SMC1B: variants seen among roughly 807,000 people sequenced by gnomAD.
SMC1B encodes structural maintenance of chromosomes protein 1B.
Under a neutral mutation model 157.9 loss-of-function variants are expected in SMC1B, and 60 were observed. The observed-to-expected ratio is 0.38, with a 90% CI of 0.31 to 0.47. SMC1B has a LOEUF of 0.47. Ranked by LOEUF, SMC1B falls within the 20% of genes least tolerant of loss-of-function variation. SMC1B has a pLI of 0.99. For synonymous variants in SMC1B, 445 were observed against 483.0 expected (o/e 0.92, Z 1.03); for missense variants, 1,165 against 1,426.2 (o/e 0.82, Z 2.95).
intron 6 of SMC1B, among the ~76,000 whole-genome samples, chr22:45,397,488 G>C (rs2087138726): frequency 6.6e-6 from 1 of 152,166 alleles, no homozygotes; most frequent in Non-Finnish European, 1.5e-5. Context: ...AGACAGGGGT[G>C]GGTCCCCAGT....
chr22:45,347,767 T>A (rs2086567591), intron 23 of SMC1B, among the ~76,000 whole-genome samples: 1 of 152,180 alleles, frequency 6.6e-6, no homozygotes, highest in East Asian at 1.9e-4. Flanking sequence ...AATGCCAATT[T>A]ATAAGTAAAT....
rs879318733 is a variant in SMC1B at position 45,409,596 on chromosome 22, ATAAATAAATAAAT to A, written c.110-711_110-699del. On this transcript the variant is annotated intron_variant, in intron 1 of 24. Transcript: ENST00000357450. The stretch of plus-strand genomic sequence containing the variant: ...AATAAATAAATAAATAAATAAATAA[ATAAATAAATAAAT>A]AAAAACAAGAGAAGCTAACTAAATC... Among the ~76,000 whole-genome samples, 222 of 80,116 alleles carry A rather than the reference ATAAATAAATAAAT, an allele frequency of 2.8e-3. 1 individual carries two copies. Among genetic ancestry groups the A allele is most frequent in the East Asian group, 3.8e-3 (10 of 2,616 alleles). The allele number at this position is 80,116 out of a possible 152,430, so 52.6% of individuals were successfully genotyped here. A position where few individuals can be genotyped will look rare whatever the true frequency, so the allele number is the denominator to read the frequency against.
intron 1 of SMC1B, among the ~76,000 whole-genome samples, chr22:45,410,631 A>C (rs768623410): frequency 9.2e-5 from 14 of 152,212 alleles, no homozygotes; most frequent in Non-Finnish European, 1.6e-4. Context: ...TGGATCCAGA[A>C]GGCAGAGGTT....
intron 4 of SMC1B, among the ~76,000 whole-genome samples, chr22:45,405,032 G>A (rs2087242447): frequency 6.6e-6 from 1 of 152,294 alleles, no homozygotes; most frequent in Admixed American, 6.5e-5. Flanking sequence ...TAGATTGGAG[G>A]AATGAACAGT....
At chr22:45,345,633 G>GT (rs2086543499) in intron 23 of SMC1B, 64 bp from the exon 24 acceptor site, 3 of 976,166 alleles carry the variant, frequency 3.1e-6, no homozygotes. Context: ...TCTGGAGACA[G>GT]TAATTCTGCA....
At chr22:45,344,784 A>G (rs2086534352) in intron 24 of SMC1B, 127 bp from the exon 25 acceptor site, 3 of 571,424 alleles carry the variant, frequency 5.3e-6, no homozygotes, top group Non-Finnish European at 9.3e-6. Context: ...AGATATCTGC[A>G]TTTATATTGG....
Position 45,369,964 on chromosome 22 carries a change from C to A in SMC1B, c.2410G>T (p.Asp804Tyr). 1.3e-6 allele frequency: 2 copies of A among 1,560,500 alleles called. No individual in the cohort carries two copies. Among genetic ancestry groups the A allele is most frequent in the South Asian group, 2.4e-5 (2 of 84,140 alleles). The change falls in exon 15 of 25, where the codon GAT becomes TAT. Residue 804 changes from aspartate (D) to tyrosine (Y), a missense_variant. By Grantham distance (160) the Asp-to-Tyr change is radical. Coordinates refer to ENST00000357450, the MANE Select transcript of SMC1B (RefSeq NM_148674.5). ...NKHVKRQQEI[D>Y]QKRLEFEKQK... ...TTTTTATAAAAATACCTTTTTTGAT[C>A]AATTTCTTGTTGCCGTTTAACATGT...
At chr22:45,369,285 A>G (rs545344151) in intron 15 of SMC1B, among the ~76,000 whole-genome samples, 2 of 151,576 alleles carry the variant, frequency 1.3e-5, no homozygotes, top group African/African-American at 4.8e-5. Context: ...TTTAGTAGAG[A>G]CGGGGTTTCA....
intron 10 of SMC1B, among the ~76,000 whole-genome samples, chr22:45,388,009 G>C (rs1007775727): frequency 1.0e-4 from 15 of 149,880 alleles, no homozygotes; most frequent in Non-Finnish European, 1.8e-4. Flanking sequence ...TCCAGCCTGG[G>C]TAACAAGGGT....
At chr22:45,387,444 C>T (rs925463182) in intron 10 of SMC1B, among the ~76,000 whole-genome samples, 3 of 140,394 alleles carry the variant, frequency 2.1e-5, no homozygotes, top group African/African-American at 9.0e-5. Flanking sequence ...AGTGAGACTC[C>T]GTCTCAAAAA....
intron 18 of SMC1B, 102 bp from the exon 19 acceptor site, chr22:45,358,897 A>T: frequency 5.7e-6 from 4 of 706,712 alleles, no homozygotes; most frequent in Non-Finnish European, 7.4e-6. Context: ...AACATCAAAG[A>T]TCAGTTATAT....
chr22:45,367,158 C>T (rs189063469), intron 15 of SMC1B, among the ~76,000 whole-genome samples: 89 of 152,206 alleles, frequency 5.8e-4, no homozygotes, highest in African/African-American at 1.7e-3. Context: ...CATGGTTCCC[C>T]GTTTGCTATT....
At chr22:45,347,537 A>ACAT (rs1289095116) in intron 23 of SMC1B, among the ~76,000 whole-genome samples, 1 of 152,166 alleles carries the variant, frequency 6.6e-6, no homozygotes, top group African/African-American at 2.4e-5. Context: ...GAGACTGAAA[A>ACAT]CATCTCTCAG....
At chr22:45,388,050 A>T (rs1602080373) in intron 10 of SMC1B, among the ~76,000 whole-genome samples, 2 of 149,474 alleles carry the variant, frequency 1.3e-5, no homozygotes, top group Admixed American at 1.3e-4. Context: ...AACAGCAAAA[A>T]AAACCCACAA....
chr22:45,393,364 C>T (rs1462051913), intron 9 of SMC1B, among the ~76,000 whole-genome samples: 5 of 152,152 alleles, frequency 3.3e-5, no homozygotes, highest in African/African-American at 1.2e-4. Flanking sequence ...TTTGGGGATA[C>T]TGGCCACAAT....
rs759961422 is a variant in SMC1B at position 45,396,326 on chromosome 22, T to C, written c.1254+20A>G. On this transcript the variant is annotated intron_variant, in intron 7 of 24. Coordinates refer to ENST00000357450, the MANE Select transcript of SMC1B (RefSeq NM_148674.5). The stretch of plus-strand genomic sequence containing the variant: ...TTCATTAAGAATGATTCTAAATCAT[T>C]ACTGTACAACCCAAGACACCTGAAC... The C allele has an allele frequency of 2.5e-6, 4 of 1,587,048 alleles. No individual in the cohort carries two copies. The highest frequency in any genetic ancestry group is 3.4e-6 in the Non-Finnish European group (4 of 1,168,730).
intron 7 of SMC1B, among the ~76,000 whole-genome samples, chr22:45,395,258 C>T (rs2087109893): frequency 6.6e-6 from 1 of 152,116 alleles, no homozygotes; most frequent in Non-Finnish European, 1.5e-5. Flanking sequence ...ATAATATAGG[C>T]ACCTGTAGGG....
intron 23 of SMC1B, among the ~76,000 whole-genome samples, 153 bp downstream of exon 23, chr22:45,349,556 AAACTCCTGACCTTGTGATC>A (rs1569172044): frequency 1.2e-3 from 4 of 3,304 alleles, no homozygotes; most frequent in Non-Finnish European, 2.3e-3. Flanking sequence ...GGCTGGTCTT[AAACTCCTGACCTTGTGATC>A]TGCCTGCCTC....
intron 12 of SMC1B, among the ~76,000 whole-genome samples, chr22:45,376,449 G>T (rs2086884479): frequency 6.6e-6 from 1 of 152,184 alleles, no homozygotes; most frequent in Middle Eastern, 3.4e-3. Context: ...TTGACACCTG[G>T]ATTGCTTCTA....
Sources: gnomAD v4.1 joint callset for allele counts (sites outside exome capture counted in the v4.1 genomes callset) on GRCh38, gnomAD v4.1.1 for gene constraint, MANE v1.5 for transcripts, NCBI Gene and HGNC (gene_info 2026-07-23, HGNC 2026-07-21) for gene names.